Variants in LYG2 observed in about 807,000 individuals in gnomAD.
The protein encoded by LYG2 is lysozyme g-like protein 2.
Under a neutral mutation model 22.4 loss-of-function variants are expected in LYG2, and 25 were observed. That is an observed-to-expected ratio of 1.12 (90% CI 0.81 to 1.56). The LOEUF is 1.56. Among genes scored for constraint, LYG2 ranks in the 40% most tolerant of loss-of-function variants. The pLI is 0.00. For synonymous variants in LYG2, 88 were observed against 97.0 expected (o/e 0.91, Z 0.55); for missense variants, 266 against 269.5 (o/e 0.99, Z 0.09).
At chr2:99,260,041 A>C (rs1161802627), upstream of LYG2, among the ~76,000 whole-genome samples, 1 of 150,600 alleles carries the variant, frequency 6.6e-6, no homozygotes, top group Non-Finnish European at 1.5e-5. Context: ...GGATCACTGC[A>C]ACTTCCACCT....
intron 3 of LYG2, among the ~76,000 whole-genome samples, chr2:99,252,680 G>A (rs953347826): frequency 2.6e-5 from 4 of 152,130 alleles, no homozygotes; most frequent in African/African-American, 4.8e-5. Flanking sequence ...TCACTGGGAG[G>A]CAGTCTTTGC....
At chr2:99,243,541 A>C (rs1326896233) in intron 6 of LYG2, 11 of 1,029,690 alleles carry the variant, frequency 1.1e-5, no homozygotes, top group South Asian at 1.6e-5. Context: ...TAGATAGATA[A>C]ATTTTTTTTT....
chr2:99,242,641 A>C (rs1245836158), intron 6 of LYG2, among the ~76,000 whole-genome samples, 159 bp from the exon 7 acceptor site: 1 of 152,176 alleles, frequency 6.6e-6, no homozygotes, highest in Non-Finnish European at 1.5e-5. Flanking sequence ...GTGCTATCCC[A>C]AGAATCACTG....
At position 99,242,459 on chromosome 2, in the gene LYG2, C is replaced by G. The variant is rs761091272; in HGVS notation, c.544G>C (p.Gly182Arg). The G allele has an allele frequency of 6.2e-7, 1 of 1,612,122 alleles. No homozygotes were observed. Among genetic ancestry groups the G allele is most frequent in the Non-Finnish European group, 8.5e-7 (1 of 1,178,850 alleles). Residue 182 changes from glycine (G) to arginine (R), a missense_variant, in exon 7 of 7, where the codon GGA (glycine) becomes CGA (arginine). Physicochemically the swap from Gly to Arg is moderately radical, Grantham distance 125 (BLOSUM62 -2). Transcript: ENST00000333017. ...GATGGGGTGGCAATCGCTTCAATTC[C>G]TGACTTAAAAGCTGAGAGACCACCT... ...LKGGLSAFKSGIEAIATPSDI... is the reference protein window; with the variant it reads ...LKGGLSAFKSRIEAIATPSDI...
rs376062646 is a variant in LYG2 at position 99,254,264 on chromosome 2, G to C, written c.-4C>G. 6.2e-7 allele frequency: 1 copy of C among 1,613,678 alleles called. No individual in the cohort carries two copies. The highest frequency in any genetic ancestry group is 8.5e-7 in the Non-Finnish European group (1 of 1,179,802). On this transcript the variant is annotated 5_prime_UTR_variant, in exon 3 of 7. Transcript: ENST00000333017. Reference sequence around the variant, plus strand: ...AAAACACCACGGAGGATAACATGGCGGGGAATCTTATCTTCCAGGACCTGC... The same window carrying C: ...AAAACACCACGGAGGATAACATGGCCGGGAATCTTATCTTCCAGGACCTGC...
intron 3 of LYG2, among the ~76,000 whole-genome samples, chr2:99,253,613 C>G (rs1023366226): frequency 2.0e-5 from 3 of 152,134 alleles, no homozygotes; most frequent in East Asian, 1.9e-4. Context: ...GCCTTCCCCC[C>G]AGAAACCCCC....
chr2:99,254,715 G>C (rs2094032967), intron 2 of LYG2, among the ~76,000 whole-genome samples: 1 of 152,006 alleles, frequency 6.6e-6, no homozygotes, highest in African/African-American at 2.4e-5. Context: ...TGTCACCCAG[G>C]CTGGAGTGCA....
chr2:99,257,734 G>A (rs1173298000), upstream of LYG2, among the ~76,000 whole-genome samples: 1 of 152,164 alleles, frequency 6.6e-6, no homozygotes, highest in Non-Finnish European at 1.5e-5. Context: ...GCAATTCTCT[G>A]GCAGCTTCTG....
intron 3 of LYG2, among the ~76,000 whole-genome samples, chr2:99,249,574 C>T (rs2094022622): frequency 6.6e-6 from 1 of 151,800 alleles, no homozygotes; most frequent in South Asian, 2.1e-4. Flanking sequence ...ACCAGTCTGA[C>T]CAACACGGAG....
At chr2:99,243,827 G>A (rs2094010900) in intron 6 of LYG2, 172 bp downstream of exon 6, 1 of 682,238 alleles carries the variant, frequency 1.5e-6, no homozygotes, top group Non-Finnish European at 2.5e-6. Flanking sequence ...GAGGATGGAG[G>A]ACCTCTCAAA....
At chr2:99,254,025 C>A (rs1487049289) in intron 3 of LYG2, among the ~76,000 whole-genome samples, 193 bp downstream of exon 3, 1 of 152,100 alleles carries the variant, frequency 6.6e-6, no homozygotes, top group African/African-American at 2.4e-5. Context: ...TCCCATAGAT[C>A]CTGTTTTTCA....
At position 99,254,270 on chromosome 2, in the gene LYG2, T is replaced by G; in HGVS notation, c.-10A>C. ...CCACGGAGGATAACATGGCGGGGAA[T>G]CTTATCTTCCAGGACCTGCTCTGAT... On this transcript the variant is annotated 5_prime_UTR_variant, in exon 3 of 7. Coordinates refer to ENST00000333017, the MANE Select transcript of LYG2 (RefSeq NM_175735.4). 1 of 1,613,968 alleles carries G rather than the reference T, an allele frequency of 6.2e-7. No individual in the cohort carries two copies.
chr2:99,246,600 C>G, intron 4 of LYG2, 80 bp downstream of exon 4: 1 of 1,522,706 alleles, frequency 6.6e-7, no homozygotes, highest in Non-Finnish European at 8.9e-7. Context: ...TATACCTTTT[C>G]AAAATTAAGT....
intron 3 of LYG2, among the ~76,000 whole-genome samples, chr2:99,253,938 C>T (rs966618513): frequency 2.0e-5 from 3 of 152,072 alleles, no homozygotes; most frequent in East Asian, 1.9e-4. Context: ...ATATACCTCT[C>T]GGTAAGGTAT....
upstream of LYG2, among the ~76,000 whole-genome samples, chr2:99,256,730 G>A (rs569382982): frequency 4.6e-5 from 7 of 152,318 alleles, no homozygotes; most frequent in Non-Finnish European, 7.4e-5. Context: ...GTGGGGCTAC[G>A]AGTCCTTCTA....
In LYG2 at chr2:99,242,395, C is replaced by T. The variant is rs762539373; in HGVS notation, c.608G>A (p.Arg203Gln). The T allele has an allele frequency of 8.7e-6, 14 of 1,613,176 alleles. No homozygotes were observed. Among genetic ancestry groups the T allele is most frequent in the East Asian group, 2.2e-5 (1 of 44,872 alleles). The stretch of plus-strand genomic sequence containing the variant: ...GCTTTGTCTTTTATAGAACTTAGCT[C>T]GAGCAATGATATCATTGACGAAGTC... ...DNDFVNDIIA[R>Q]AKFYKRQSF The change falls in exon 7 of 7, where the codon CGA becomes CAA. Residue 203 changes from arginine to glutamine, a missense_variant. Coordinates refer to ENST00000333017, the MANE Select transcript of LYG2 (RefSeq NM_175735.4).
At chr2:99,254,848 T>C (rs891460186) in intron 2 of LYG2, among the ~76,000 whole-genome samples, 172 bp downstream of exon 2, 8 of 152,154 alleles carry the variant, frequency 5.3e-5, no homozygotes, top group Non-Finnish European at 1.2e-4. Context: ...TCCATTCTTA[T>C]ACCAGGGTCT....
chr2:99,259,193 G>A (rs914726490), upstream of LYG2, among the ~76,000 whole-genome samples: 4 of 130,778 alleles, frequency 3.1e-5, no homozygotes, highest in Admixed American at 3.5e-4. Flanking sequence ...TTTATTTCTA[G>A]TTATTTACCC....
chr2:99,247,090 CT>C (rs34685261), intron 3 of LYG2, among the ~76,000 whole-genome samples: 1 of 151,200 alleles, frequency 6.6e-6, no homozygotes, highest in Non-Finnish European at 1.5e-5. Context: ...CATGTGCAGT[CT>C]TTTTTTTTCC....
Sources: allele counts gnomAD v4.1 joint callset (sites outside exome capture counted in the v4.1 genomes callset), GRCh38; gene constraint gnomAD v4.1.1; transcripts MANE v1.5; gene names NCBI Gene and HGNC (gene_info 2026-07-23, HGNC 2026-07-21).